The following FOXO3 variants were observed in gnomAD, a reference collection of about 807,000 sequenced individuals.
FOXO3 encodes the protein forkhead box protein O3.
FOXO3 carries 4 observed loss-of-function variants against 41.9 expected under a neutral mutation model. That is an observed-to-expected ratio of 0.10 (90% CI 0.05 to 0.22). FOXO3 has a LOEUF of 0.22. Ranked by LOEUF, FOXO3 falls within the 10% of genes least tolerant of loss-of-function variation. The pLI is 1.00. For missense variants in FOXO3, 534 were observed against 906.8 expected, an observed-to-expected ratio of 0.59 and a Z score of 5.28; for synonymous variants, 318 against 389.3, an observed-to-expected ratio of 0.82 and a Z score of 2.16.
chr6:108,667,206 G>T (rs558259421), intron 2 of FOXO3, among the ~76,000 whole-genome samples: 1 of 152,322 alleles, frequency 6.6e-6, no homozygotes, highest in South Asian at 2.1e-4. Context: ...AAGCTAAGTA[G>T]GGTGGTAGTA....
chr6:108,576,715 G>C (rs1342145254), intron 1 of FOXO3, among the ~76,000 whole-genome samples: 1 of 152,082 alleles, frequency 6.6e-6, no homozygotes, highest in Non-Finnish European at 1.5e-5. Flanking sequence ...TTTTATCTCT[G>C]GGCCCCCAGT....
At chr6:108,675,320 G>C (rs928724268) in intron 2 of FOXO3, among the ~76,000 whole-genome samples, 1 of 152,260 alleles carries the variant, frequency 6.6e-6, no homozygotes, top group Admixed American at 6.5e-5. Context: ...CAGCACAAAG[G>C]CTGGCTGGAA....
At chr6:108,630,765 T>G (rs12213895) in intron 1 of FOXO3, among the ~76,000 whole-genome samples, 1 of 151,782 alleles carries the variant, frequency 6.6e-6, no homozygotes, top group Admixed American at 6.6e-5. Context: ...TAAGTATTTT[T>G]AAAAAAAAGC....
At position 108,585,247 on chromosome 6, in the gene FOXO3, G is replaced by A. The variant is rs1278014433; in HGVS notation, c.621+23418G>A. On this transcript the variant is annotated intron_variant, in intron 1 of 2. Transcript: ENST00000406360. ...TTTAGTAGAGACGGGGTTTCACCCCGTTAGCCAGGATGGTCTCGATCTCCT... is the reference window on the plus strand; with the variant it reads ...TTTAGTAGAGACGGGGTTTCACCCCATTAGCCAGGATGGTCTCGATCTCCT... Among the ~76,000 whole-genome samples, 6 of 152,062 alleles carry A rather than the reference G, an allele frequency of 3.9e-5. No homozygotes were observed. The South Asian group carries it at 8.3e-4, about 21-fold the overall frequency.
intron 1 of FOXO3, among the ~76,000 whole-genome samples, chr6:108,578,994 A>G (rs1776337177): frequency 6.6e-6 from 1 of 152,202 alleles, no homozygotes; most frequent in Non-Finnish European, 1.5e-5. Flanking sequence ...CCTCATGATC[A>G]GCTAGCTATA....
intron 1 of FOXO3, among the ~76,000 whole-genome samples, chr6:108,627,275 T>C (rs1777837070): frequency 6.6e-6 from 1 of 152,050 alleles, no homozygotes; most frequent in Non-Finnish European, 1.5e-5. Context: ...CTGGGCAGGG[T>C]AGTGGAACTG....
intron 1 of FOXO3, among the ~76,000 whole-genome samples, chr6:108,612,515 A>G (rs1425167386): frequency 6.6e-6 from 1 of 152,018 alleles, no homozygotes; most frequent in Non-Finnish European, 1.5e-5. Context: ...CCCCATCTCT[A>G]CTAGAAATAC....
chr6:108,606,691 T>C (rs1777211984), intron 1 of FOXO3, among the ~76,000 whole-genome samples: 1 of 152,250 alleles, frequency 6.6e-6, no homozygotes, highest in African/African-American at 2.4e-5. Flanking sequence ...CCTGTTCTGC[T>C]TTTACCAAGA....
intron 1 of FOXO3, among the ~76,000 whole-genome samples, chr6:108,581,167 C>CT (rs1378687834): frequency 2.6e-5 from 4 of 152,286 alleles, no homozygotes; most frequent in African/African-American, 9.6e-5. Flanking sequence ...AGTTTTCATT[C>CT]TTTTCTTTGG....
chr6:108,626,766 ATAT>A (rs1484192383), intron 1 of FOXO3, among the ~76,000 whole-genome samples: 2 of 152,316 alleles, frequency 1.3e-5, no homozygotes, highest in Middle Eastern at 3.4e-3. Flanking sequence ...GGTGATTTTT[ATAT>A]CCACTGTAAA....
intron 1 of FOXO3, among the ~76,000 whole-genome samples, chr6:108,596,393 A>AT (rs1776884966): frequency 6.6e-6 from 1 of 151,814 alleles, no homozygotes; most frequent in Admixed American, 6.6e-5. Flanking sequence ...AAAAAAAAAA[A>AT]AAAAAAAAAA....
chr6:108,616,785 T>C lies in FOXO3; in HGVS notation c.622-46670T>C, dbSNP rs111540837. On this transcript the variant is annotated intron_variant, in intron 1 of 2. Transcript: ENST00000406360. ...AAAGAAACCTTGTATCCATTAGCGG[T>C]CATTTCCCATGTACCCCACTCCTTT... 6.8e-3 allele frequency among the ~76,000 whole-genome samples: 1,029 copies of C among 152,270 alleles called. 14 individuals are homozygous for C. Among genetic ancestry groups the C allele is most frequent in the African/African-American group, 0.024 (990 of 41,550 alleles).
intron 1 of FOXO3, among the ~76,000 whole-genome samples, chr6:108,575,590 GC>G (rs1279750166): frequency 6.6e-6 from 1 of 152,094 alleles, no homozygotes; most frequent in African/African-American, 2.4e-5. Flanking sequence ...CTGTTCTAGG[GC>G]TTCCCACCAA....
chr6:108,668,400 A>C (rs1420098844), intron 2 of FOXO3, among the ~76,000 whole-genome samples: 1 of 152,164 alleles, frequency 6.6e-6, no homozygotes, highest in Non-Finnish European at 1.5e-5. Flanking sequence ...CGTGAAGGGC[A>C]CTGTGTTCTC....
chr6:108,660,214 C>G (rs893478146), intron 1 of FOXO3, among the ~76,000 whole-genome samples: 13 of 152,116 alleles, frequency 8.5e-5, no homozygotes, highest in Non-Finnish European at 1.5e-4. Context: ...CCTGTACTTG[C>G]CTGCTTTCTG....
intron 2 of FOXO3, among the ~76,000 whole-genome samples, chr6:108,676,371 T>TTTTA (rs1388178313): frequency 6.6e-6 from 1 of 152,192 alleles, no homozygotes; most frequent in Non-Finnish European, 1.5e-5. Flanking sequence ...CATTTTAAAA[T>TTTTA]TTTATTTATT....
chr6:108,668,252 C>T (rs1267979336), intron 2 of FOXO3, among the ~76,000 whole-genome samples: 1 of 152,206 alleles, frequency 6.6e-6, no homozygotes. Context: ...TGCTGGGGAG[C>T]TGCAGCAAGA....
chr6:108,567,216 T>C (rs1775970907), intron 1 of FOXO3, among the ~76,000 whole-genome samples: 1 of 152,222 alleles, frequency 6.6e-6, no homozygotes, highest in Non-Finnish European at 1.5e-5. Flanking sequence ...GCAAATTTGA[T>C]GTGGGGCATG....
At chr6:108,626,821 G>C (rs551199379) in intron 1 of FOXO3, among the ~76,000 whole-genome samples, 1 of 152,198 alleles carries the variant, frequency 6.6e-6, no homozygotes, top group Admixed American at 6.5e-5. Context: ...TAAAACCAGG[G>C]TATTTTCCTA....
Sources: gnomAD v4.1 joint callset for allele counts (sites outside exome capture counted in the v4.1 genomes callset) on GRCh38, gnomAD v4.1.1 for gene constraint, MANE v1.5 for transcripts, NCBI Gene and HGNC (gene_info 2026-07-23, HGNC 2026-07-21) for gene names.